DHX32: variants seen among roughly 807,000 people sequenced by gnomAD.
DHX32 encodes putative pre-mRNA-splicing factor ATP-dependent RNA helicase DHX32.
A neutral mutation model predicts 70.0 loss-of-function variants in DHX32; 51 were observed. The ratio of observed to expected loss-of-function variants is 0.73; its 90% confidence interval spans 0.58 to 0.92. DHX32 has a LOEUF of 0.92. Among genes scored for constraint, DHX32 ranks in the 40% least tolerant of loss-of-function variants. The pLI is 0.00. For missense variants in DHX32, 762 were observed against 891.8 expected, an observed-to-expected ratio of 0.85 and a Z score of 1.85; for synonymous variants, 310 against 315.3, an observed-to-expected ratio of 0.98 and a Z score of 0.18.
In DHX32 at chr10:125,836,967, A is replaced by G. The variant is rs1385500806; in HGVS notation, c.2064-112T>C. On this transcript the variant is annotated intron_variant, in intron 10 of 10. Transcript: ENST00000284690. The stretch of plus-strand genomic sequence containing the variant: ...TGGAGAATCTACCTGTAGAACCGGT[A>G]TTTAATTTGAACTCAGATAGTATCT... 18 of 885,136 alleles carry G rather than the reference A, an allele frequency of 2.0e-5. No individual in the cohort carries two copies. The Middle Eastern group carries it at 8.2e-4, about 41-fold the overall frequency. The allele number at this position is 885,136 out of a possible 1,614,324, so 54.8% of individuals were successfully genotyped here.
chr10:125,860,944 A>G (rs537097223), intron 2 of DHX32, among the ~76,000 whole-genome samples: 5 of 151,624 alleles, frequency 3.3e-5, no homozygotes, highest in African/African-American at 9.7e-5. Flanking sequence ...AGTAGAGACA[A>G]GATTTCACCG....
At chr10:125,876,754 T>C (rs1265645923) in intron 1 of DHX32, among the ~76,000 whole-genome samples, 5 of 152,194 alleles carry the variant, frequency 3.3e-5, no homozygotes, top group Non-Finnish European at 5.9e-5. Context: ...TTGTGTCAGA[T>C]TAAAAAACGA....
At chr10:125,879,724 T>A (rs1944306255) in intron 1 of DHX32, among the ~76,000 whole-genome samples, 1 of 152,090 alleles carries the variant, frequency 6.6e-6, no homozygotes, top group Non-Finnish European at 1.5e-5. Flanking sequence ...TCATCACAGC[T>A]CACTGCAGCC....
intron 6 of DHX32, among the ~76,000 whole-genome samples, chr10:125,846,349 G>GA (rs560528993): frequency 8.6e-5 from 13 of 151,846 alleles, no homozygotes; most frequent in Admixed American, 3.9e-4. Context: ...GAAAAATCAG[G>GA]AAAAAAAATG....
chr10:125,885,161 G>A (rs922240720), upstream of DHX32, among the ~76,000 whole-genome samples: 2 of 152,058 alleles, frequency 1.3e-5, no homozygotes, highest in Non-Finnish European at 2.9e-5. Flanking sequence ...CCCAATTTCA[G>A]TTAATTCCTT....
At chr10:125,877,482 T>C (rs1032020323) in intron 1 of DHX32, among the ~76,000 whole-genome samples, 4 of 151,868 alleles carry the variant, frequency 2.6e-5, no homozygotes, top group Non-Finnish European at 5.9e-5. Context: ...AGCCCAGGAG[T>C]TCGAGACCAG....
At chr10:125,895,827 C>G (rs1167025997) in intron 1 of DHX32, among the ~76,000 whole-genome samples, 1 of 151,770 alleles carries the variant, frequency 6.6e-6, no homozygotes, top group African/African-American at 2.4e-5. Context: ...CGGGCAAAAC[C>G]GTGCTCCTGG....
intron 1 of DHX32, 151 bp from the exon 2 acceptor site, chr10:125,867,334 G>A (rs1308638791): frequency 3.1e-6 from 2 of 644,130 alleles, no homozygotes; most frequent in East Asian, 5.6e-5. Context: ...GTGAAACTCT[G>A]AACAATATGG....
chr10:125,863,671 G>C (rs903189936), intron 2 of DHX32, among the ~76,000 whole-genome samples: 5 of 152,094 alleles, frequency 3.3e-5, no homozygotes, highest in African/African-American at 1.2e-4. Flanking sequence ...GGATGGTCCC[G>C]ATCTCCTGAC....
intron 2 of DHX32, 40 bp from the exon 3 acceptor site, chr10:125,860,015 T>C: frequency 1.4e-6 from 2 of 1,475,436 alleles, no homozygotes; most frequent in Non-Finnish European, 1.8e-6. Flanking sequence ...ATTCTTATGC[T>C]AACTCATGCA....
rs148749512 is a variant in DHX32 at position 125,844,505 on chromosome 10, G to A, written c.1352-2571C>T. 7.8e-4 allele frequency among the ~76,000 whole-genome samples: 119 copies of A among 152,324 alleles called. No homozygotes were observed. In the East Asian group the frequency reaches 9.1e-3, roughly 12 times the overall value. ...CCTGGTCCTACAACAGAAAAGGAGA[G>A]GATGTTCTTGGGGTTTTATTATATT... is the stretch of plus-strand genomic sequence containing the variant. On this transcript the variant is annotated intron_variant, in intron 6 of 10. Transcript: ENST00000284690.
intron 10 of DHX32, 94 bp from the exon 11 acceptor site, chr10:125,836,949 T>C: frequency 9.4e-7 from 1 of 1,069,174 alleles, no homozygotes; most frequent in Non-Finnish European, 1.4e-6. Context: ...CCCTGGAGAA[T>C]CTACCTGTAG....
intron 3 of DHX32, among the ~76,000 whole-genome samples, chr10:125,857,426 G>C (rs986332909): frequency 1.3e-5 from 2 of 152,232 alleles, no homozygotes; most frequent in Non-Finnish European, 1.5e-5. Context: ...GAACAATGAG[G>C]AGCTCACCTT....
At chr10:125,839,866 C>T (rs148523807) in intron 8 of DHX32, among the ~76,000 whole-genome samples, 306 of 152,276 alleles carry the variant, frequency 2.0e-3, no homozygotes, top group African/African-American at 7.1e-3. Context: ...CCTGTCCTGT[C>T]CACTCATGCT....
At chr10:125,891,180 T>C (rs1944368592) in intron 1 of DHX32, among the ~76,000 whole-genome samples, 1 of 152,242 alleles carries the variant, frequency 6.6e-6, no homozygotes, top group African/African-American at 2.4e-5. Flanking sequence ...TAATAAAGTA[T>C]GCAAAAATAC....
At chr10:125,881,866 C>T (rs1427288706), upstream of DHX32, among the ~76,000 whole-genome samples, 1 of 152,224 alleles carries the variant, frequency 6.6e-6, no homozygotes, top group African/African-American at 2.4e-5. Flanking sequence ...TAGTTTCGAA[C>T]TCCTGGGCTC....
upstream of DHX32, among the ~76,000 whole-genome samples, chr10:125,883,203 T>A (rs1944327862): frequency 6.6e-6 from 1 of 152,192 alleles, no homozygotes; most frequent in Admixed American, 6.5e-5. Flanking sequence ...GGCCCCTTCA[T>A]CACACATTGT....
intron 1 of DHX32, among the ~76,000 whole-genome samples, chr10:125,872,863 G>T (rs1160083893): frequency 6.6e-6 from 1 of 152,218 alleles, no homozygotes; most frequent in Non-Finnish European, 1.5e-5. Flanking sequence ...CCAATCTGCT[G>T]CTATGAGAGT....
At chr10:125,861,293 C>T (rs1175712442) in intron 2 of DHX32, among the ~76,000 whole-genome samples, 1 of 151,516 alleles carries the variant, frequency 6.6e-6, no homozygotes, top group Admixed American at 6.6e-5. Context: ...GTCAGGATAT[C>T]GAGACCATCC....
Sources: allele counts gnomAD v4.1 joint callset (sites outside exome capture counted in the v4.1 genomes callset), GRCh38; gene constraint gnomAD v4.1.1; transcripts MANE v1.5; gene names NCBI Gene and HGNC (gene_info 2026-07-23, HGNC 2026-07-21).